The following PCDHGB3 variants were observed in gnomAD, a reference collection of about 807,000 sequenced individuals.
The protein encoded by PCDHGB3 is protocadherin gamma-B3.
A neutral mutation model predicts 59.2 loss-of-function variants in PCDHGB3; 40 were observed. The observed-to-expected ratio is 0.68, with a 90% CI of 0.52 to 0.88. The LOEUF (loss-of-function observed/expected upper bound fraction) is 0.88. Among genes scored for constraint, PCDHGB3 ranks in the 40% least tolerant of loss-of-function variants. PCDHGB3 has a pLI of 0.00. For synonymous variants in PCDHGB3, 581 were observed against 503.6 expected (o/e 1.15, Z -2.06); for missense variants, 1,309 against 1,187.9 (o/e 1.10, Z -1.50).
At chr5:141,389,766 C>A (rs1217222336) in intron 1 of PCDHGB3, 1 of 1,613,060 alleles carries the variant, frequency 6.2e-7, no homozygotes, top group East Asian at 2.2e-5. Flanking sequence ...GCGCACAGCG[C>A]GTGCCTTAGG....
At chr5:141,494,171 G>A (rs72790068) in intron 1 of PCDHGB3, among the ~76,000 whole-genome samples, 9,520 of 152,240 alleles carry the variant, frequency 0.063, 348 homozygotes, top group South Asian at 0.11. Flanking sequence ...TTCTAGGGGT[G>A]AGAAGTGTCC....
chr5:141,462,462 T>G (rs570804965), intron 1 of PCDHGB3, among the ~76,000 whole-genome samples: 1 of 152,346 alleles, frequency 6.6e-6, no homozygotes, highest in Middle Eastern at 3.4e-3. Flanking sequence ...CTGAAAACTG[T>G]GTATTCTGCT....
rs965293763 is a variant in PCDHGB3 at position 141,372,242 on chromosome 5, G to A, written c.1848G>A (p.Leu616=). 2.5e-6 allele frequency: 4 copies of A among 1,613,274 alleles called. No individual in the cohort carries two copies. The South Asian group carries it at 3.3e-5, about 13-fold the overall frequency. ...TTGTGCAGGCCAGCGAGCCCGGGCT[G>A]TTCAGCCTGGGCCTGCGCACGGGTG... ...YHIVQASEPG[L]FSLGLRTGEV... is the part of the protein sequence containing the mutation. Residue 616 remains leucine, a synonymous_variant, in exon 1 of 4, where the codon CTG becomes CTA. Coordinates refer to ENST00000576222, the MANE Select transcript of PCDHGB3 (RefSeq NM_018924.5).
chr5:141,373,958 C>T, intron 1 of PCDHGB3: 1 of 917,866 alleles, frequency 1.1e-6, no homozygotes, highest in Non-Finnish European at 1.5e-6. Context: ...AAATTCTGAC[C>T]TGAAACGCTT....
rs1768892423 is a variant in PCDHGB3 at position 141,372,583 on chromosome 5, G to A, written c.2189G>A (p.Gly730Asp). 2 of 1,613,908 alleles carry A rather than the reference G, an allele frequency of 1.2e-6. No individual in the cohort carries two copies. Among genetic ancestry groups the A allele is most frequent in the Admixed American group, 1.7e-5 (1 of 60,014 alleles). Residue 730 changes from glycine (G) to aspartate (D), a missense_variant, in exon 1 of 4, where the codon GGT (glycine) becomes GAT (aspartate). Gly to Asp is a moderately conservative substitution (Grantham distance 94). Coordinates refer to ENST00000576222, the MANE Select transcript of PCDHGB3 (RefSeq NM_018924.5). ...GCCACTGAGGGCTACTTTCAGCCTG[G>A]TGTCTGCTTCAAGACTGTACCTGGA... Reference protein sequence around the residue: ...RPATEGYFQPGVCFKTVPGVL... With the variant: ...RPATEGYFQPDVCFKTVPGVL...
chr5:141,371,250 A>G lies in PCDHGB3; in HGVS notation c.856A>G (p.Lys286Glu). Residue 286 changes from lysine to glutamate, a missense_variant, in exon 1 of 4, where the codon AAG becomes GAG. By Grantham distance (56) the Lys-to-Glu change is moderately conservative. Transcript: ENST00000576222. ...CATCTATGCCTTCATCAATATTGGC[A>G]AGGAAGTGAGACAACTGTTCAAGCT... ...EIIYAFINIGKEVRQLFKLDS... is the reference protein window; with the variant it reads ...EIIYAFINIGEEVRQLFKLDS... 6.2e-7 allele frequency: 1 copy of G among 1,614,054 alleles called. No individual in the cohort carries two copies. Among genetic ancestry groups the G allele is most frequent in the Non-Finnish European group, 8.5e-7 (1 of 1,179,912 alleles).
chr5:141,428,238 G>A lies in PCDHGB3; in HGVS notation c.2415+55429G>A, dbSNP rs775703660. On this transcript the variant is annotated intron_variant, in intron 1 of 3. Transcript: ENST00000576222. ...TAGTCTTCGCAGACAGCCTGCAGGA[G>A]GCACTGCCAGACTTCAGTGACAGTC... 1.0e-5 allele frequency: 10 copies of A among 998,180 alleles called. No individual in the cohort carries two copies. The South Asian group carries it at 1.3e-4, about 13-fold the overall frequency. The allele number at this position is 998,180 out of a possible 1,614,324, so 61.8% of individuals were successfully genotyped here. A position where few individuals can be genotyped will look rare whatever the true frequency, so the allele number is the denominator to read the frequency against.
In PCDHGB3 at chr5:141,489,844, C is replaced by A; in HGVS notation, c.2416-4963C>A. 2 of 1,614,148 alleles carry A rather than the reference C, an allele frequency of 1.2e-6. No individual in the cohort carries two copies. Among genetic ancestry groups the A allele is most frequent in the Non-Finnish European group, 1.7e-6 (2 of 1,179,982 alleles). On this transcript the variant is annotated intron_variant, in intron 1 of 3. Coordinates refer to ENST00000576222, the MANE Select transcript of PCDHGB3 (RefSeq NM_018924.5). The surrounding 1 kb of genome is among the most constrained non-coding windows in gnomAD (Gnocchi z 4.5). Reference sequence around the variant, plus strand: ...GCTGGTGCTAGAGCAGCAGCTGGATCGTGAAGCCCAGGCAAGACATCAGCT... The same window carrying A: ...GCTGGTGCTAGAGCAGCAGCTGGATAGTGAAGCCCAGGCAAGACATCAGCT...
rs1199756501 is a variant in PCDHGB3 at position 141,493,222 on chromosome 5, C to A, written c.2416-1585C>A. Among the ~76,000 whole-genome samples the A allele has an allele frequency of 6.6e-6, 1 of 152,194 alleles. No individual in the cohort carries two copies. Among genetic ancestry groups the A allele is most frequent in the East Asian group, 1.9e-4 (1 of 5,196 alleles). ...ACCTCATCTCATTTGCTCTTCCCAC[C>A]ATTGCTGTTGGCTAGGTACTAACAT... On this transcript the variant is annotated intron_variant, in intron 1 of 3. Coordinates refer to ENST00000576222, the MANE Select transcript of PCDHGB3 (RefSeq NM_018924.5). This position sits in a 1 kb window ranked among gnomAD's most constrained non-coding sequence, Gnocchi z 4.3.
Position 141,372,593 on chromosome 5 carries a change from CA to C in PCDHGB3, c.2201del (p.Lys734ArgfsTer37). On this transcript the variant is annotated frameshift_variant, in exon 1 of 4. Coordinates refer to ENST00000576222, the MANE Select transcript of PCDHGB3 (RefSeq NM_018924.5). LOFTEE classifies it high-confidence loss of function. The stretch of plus-strand genomic sequence containing the variant: ...GCTACTTTCAGCCTGGTGTCTGCTT[CA>C]AGACTGTACCTGGAGTTCTCCCCAC... ...EGYFQPGVCF[K>X]TVPGVLPTYS... 6.2e-7 allele frequency: 1 copy of C among 1,614,030 alleles called. No homozygotes were observed. Among genetic ancestry groups the C allele is most frequent in the South Asian group, 1.1e-5 (1 of 91,084 alleles).
chr5:141,382,921 G>A, intron 1 of PCDHGB3: 2 of 1,560,324 alleles, frequency 1.3e-6, no homozygotes, highest in South Asian at 1.2e-5. Flanking sequence ...GCCGAGGGGC[G>A]GGGACTACAG....
chr5:141,498,865 G>A (rs2099786522), intron 2 of PCDHGB3, among the ~76,000 whole-genome samples: 1 of 151,116 alleles, frequency 6.6e-6, no homozygotes, highest in Non-Finnish European at 1.5e-5. Flanking sequence ...CCCAGGAGGC[G>A]GAGGTTGCAG....
chr5:141,375,526 G>A (rs377448744), intron 1 of PCDHGB3: 1 of 1,614,008 alleles, frequency 6.2e-7, no homozygotes, highest in Non-Finnish European at 8.5e-7. Flanking sequence ...ACCCTGACGT[G>A]GACCAGAACG....
At chr5:141,384,974 AC>A (rs1780722542) in intron 1 of PCDHGB3, 1 of 1,613,712 alleles carries the variant, frequency 6.2e-7, no homozygotes, top group Non-Finnish European at 8.5e-7. Context: ...CTCACGTTGT[AC>A]CTGGTGGTGG....
At position 141,403,043 on chromosome 5, in the gene PCDHGB3, A is replaced by C. The variant is rs779412498; in HGVS notation, c.2415+30234A>C. On this transcript the variant is annotated intron_variant, in intron 1 of 3. Coordinates refer to ENST00000576222, the MANE Select transcript of PCDHGB3 (RefSeq NM_018924.5). ...GCTATGGGAGGCCAGGGCCAGTCAG[A>C]TTCGCTACTCAGTGCCTGAAGAGAC... 21 of 1,614,070 alleles carry C rather than the reference A, an allele frequency of 1.3e-5. No homozygotes were observed. In the South Asian group the frequency reaches 2.3e-4, roughly 18 times the overall value.
At position 141,459,533 on chromosome 5, in the gene PCDHGB3, A is replaced by AT. The variant is rs956234847; in HGVS notation, c.2416-35266dup. Among the ~76,000 whole-genome samples the AT allele has an allele frequency of 1.2e-4, 18 of 152,018 alleles. No homozygotes were observed. In the South Asian group the frequency reaches 2.3e-3, roughly 19 times the overall value. ...CATGTACAAGTATTTTTGTAGGCAT[A>AT]TTTTTTTTATTTCTCTTGGATAAAT... is the stretch of plus-strand genomic sequence containing the variant. On this transcript the variant is annotated intron_variant, in intron 1 of 3. Transcript: ENST00000576222.
chr5:141,493,641 G>A lies in PCDHGB3; in HGVS notation c.2416-1166G>A, dbSNP rs547664603. Among the ~76,000 whole-genome samples, 2 of 152,240 alleles carry A rather than the reference G, an allele frequency of 1.3e-5. No individual in the cohort carries two copies. The highest frequency in any genetic ancestry group is 3.9e-4 in the East Asian group (2 of 5,172). On this transcript the variant is annotated intron_variant, in intron 1 of 3. Coordinates refer to ENST00000576222, the MANE Select transcript of PCDHGB3 (RefSeq NM_018924.5). The surrounding 1 kb of genome is among the most constrained non-coding windows in gnomAD (Gnocchi z 4.3). The stretch of plus-strand genomic sequence containing the variant: ...CTAAGAATACAGTGGCTGAGGGCTG[G>A]CCATCCCTGTGCCCTTCTCCATGGC...
intron 1 of PCDHGB3, chr5:141,404,230 C>T: frequency 6.2e-7 from 1 of 1,613,836 alleles, no homozygotes; most frequent in Non-Finnish European, 8.5e-7. Context: ...CTGCAACAGA[C>T]AGAGGAACTC....
Position 141,485,057 on chromosome 5 carries a change from C to A in PCDHGB3, c.2416-9750C>A, listed in dbSNP as rs2099605934. ...GTAACCCTTGCGGCGCCGGCCGAACCGCGCCAGAGCTGGCGCGGGGAAAGG... is the reference window on the plus strand; with the variant it reads ...GTAACCCTTGCGGCGCCGGCCGAACAGCGCCAGAGCTGGCGCGGGGAAAGG... On this transcript the variant is annotated intron_variant, in intron 1 of 3. Coordinates refer to ENST00000576222, the MANE Select transcript of PCDHGB3 (RefSeq NM_018924.5). The surrounding 1 kb of genome is among the most constrained non-coding windows in gnomAD (Gnocchi z 5.7). The A allele has an allele frequency of 2.4e-6, 2 of 843,718 alleles. No homozygotes were observed. Among genetic ancestry groups the A allele is most frequent in the South Asian group, 1.7e-5 (1 of 59,950 alleles). 52.3% of individuals were successfully genotyped at this position (843,718 alleles called of 1,614,324 possible).
Sources: gnomAD v4.1 joint callset for allele counts (sites outside exome capture counted in the v4.1 genomes callset) on GRCh38, gnomAD v4.1.1 for gene constraint, Gnocchi (gnomAD v3.1) non-coding constraint, MANE v1.5 for transcripts, NCBI Gene and HGNC (gene_info 2026-07-23, HGNC 2026-07-21) for gene names.